The following FRMD5 variants were observed in gnomAD, a reference collection of about 807,000 sequenced individuals.
The protein encoded by FRMD5 is FERM domain containing 5, also known as FERM domain-containing protein 5.
Under a neutral mutation model 69.0 loss-of-function variants are expected in FRMD5, and 20 were observed. The observed-to-expected ratio is 0.29, with a 90% confidence interval of 0.20 to 0.42. The LOEUF is 0.42. FRMD5 is among the 10% of genes least tolerant of loss of function. The probability of loss-of-function intolerance (pLI) is 1.00; values close to 1 mark genes in which losing one functional copy is unlikely to be tolerated. For missense variants in FRMD5, 595 were observed against 708.6 expected, an observed-to-expected ratio of 0.84 and a Z score of 1.82; for synonymous variants, 271 against 260.1, an observed-to-expected ratio of 1.04 and a Z score of -0.40.
intron 1 of FRMD5, among the ~76,000 whole-genome samples, chr15:44,114,654 G>T (rs553024886): frequency 6.6e-6 from 1 of 152,158 alleles, no homozygotes; most frequent in African/African-American, 2.4e-5. Context: ...CAATGTGAAA[G>T]AATATGTTTA....
At chr15:43,929,595 G>C in intron 1 of FRMD5, among the ~76,000 whole-genome samples, 1 of 152,134 alleles carries the variant, frequency 6.6e-6, no homozygotes, top group East Asian at 1.9e-4. Context: ...CCTTAGAGAA[G>C]GCAGAGGTAA....
At chr15:44,028,847 T>C (rs942991521) in intron 1 of FRMD5, among the ~76,000 whole-genome samples, 3 of 152,202 alleles carry the variant, frequency 2.0e-5, no homozygotes, top group Non-Finnish European at 2.9e-5. Flanking sequence ...CAAGGGACTG[T>C]CTGAATTACT....
At chr15:44,173,858 T>C (rs2077847590) in intron 1 of FRMD5, among the ~76,000 whole-genome samples, 1 of 152,188 alleles carries the variant, frequency 6.6e-6, no homozygotes, top group South Asian at 2.1e-4. Context: ...AGTTCAAAGA[T>C]GATTATTAGT....
At chr15:44,195,997 A>C (rs1053073718), upstream of FRMD5, among the ~76,000 whole-genome samples, 1 of 152,206 alleles carries the variant, frequency 6.6e-6, no homozygotes, top group African/African-American at 2.4e-5. Context: ...ACTGGAAATT[A>C]TGTCTTCAGA....
At chr15:44,070,671 A>G (rs78197518) in intron 1 of FRMD5, among the ~76,000 whole-genome samples, 4,517 of 152,290 alleles carry the variant, frequency 0.03, 194 homozygotes, top group African/African-American at 0.093. Flanking sequence ...GCTATTATTA[A>G]TAATCAAAAG....
intron 1 of FRMD5, among the ~76,000 whole-genome samples, chr15:44,056,900 G>C (rs552206033): frequency 6.6e-6 from 1 of 152,210 alleles, no homozygotes; most frequent in South Asian, 2.1e-4. Context: ...AATCTTCCCT[G>C]TTGACTACAA....
chr15:43,960,256 T>C (rs950580463), intron 1 of FRMD5, among the ~76,000 whole-genome samples: 2 of 151,446 alleles, frequency 1.3e-5, no homozygotes, highest in African/African-American at 4.9e-5. Flanking sequence ...ACCCGGCTAA[T>C]TTATTTTTTG....
intron 1 of FRMD5, among the ~76,000 whole-genome samples, chr15:44,075,274 A>C (rs1419535725): frequency 2.0e-5 from 3 of 152,194 alleles, no homozygotes; most frequent in Admixed American, 2.0e-4. Flanking sequence ...TGGATGGGAA[A>C]TGAGGTCTTA....
chr15:44,103,418 T>C (rs1364935999), intron 1 of FRMD5, among the ~76,000 whole-genome samples: 1 of 152,176 alleles, frequency 6.6e-6, no homozygotes, highest in Non-Finnish European at 1.5e-5. Context: ...ACTGGTAAAA[T>C]GTAGTCTTTG....
chr15:44,047,065 A>C (rs1329123763), intron 1 of FRMD5, among the ~76,000 whole-genome samples: 1 of 152,142 alleles, frequency 6.6e-6, no homozygotes, highest in Non-Finnish European at 1.5e-5. Flanking sequence ...CTAGCACTTC[A>C]GGAGGCTGAG....
At chr15:44,071,086 A>C (rs958282027) in intron 1 of FRMD5, among the ~76,000 whole-genome samples, 7 of 152,150 alleles carry the variant, frequency 4.6e-5, no homozygotes, top group African/African-American at 1.7e-4. Context: ...CTTGAAAGTC[A>C]GGATTTCAGA....
At chr15:44,125,947 G>A (rs2077019327) in intron 1 of FRMD5, among the ~76,000 whole-genome samples, 2 of 152,154 alleles carry the variant, frequency 1.3e-5, no homozygotes, top group Non-Finnish European at 2.9e-5. Flanking sequence ...GCAATAAAAA[G>A]CTTTTGAAAA....
At chr15:44,054,606 T>C (rs1486328743) in intron 1 of FRMD5, among the ~76,000 whole-genome samples, 1 of 152,180 alleles carries the variant, frequency 6.6e-6, no homozygotes, top group African/African-American at 2.4e-5. Flanking sequence ...TTCTATAGAA[T>C]TATAGCTAAT....
At chr15:44,049,643 T>C (rs995535470) in intron 1 of FRMD5, among the ~76,000 whole-genome samples, 10 of 152,234 alleles carry the variant, frequency 6.6e-5, no homozygotes, top group Admixed American at 4.6e-4. Flanking sequence ...TAGGTAGAAC[T>C]AGAATATCTT....
At chr15:43,991,523 G>T (rs973957392) in intron 1 of FRMD5, among the ~76,000 whole-genome samples, 1 of 152,124 alleles carries the variant, frequency 6.6e-6, no homozygotes, top group Non-Finnish European at 1.5e-5. Context: ...TTTGAAATAT[G>T]GATATTCATT....
intron 1 of FRMD5, chr15:43,989,139 G>A: frequency 2.0e-6 from 2 of 979,652 alleles, no homozygotes; most frequent in Non-Finnish European, 3.3e-6. Context: ...GCTGGACGGT[G>A]GACAGCCAGG....
chr15:44,154,119 G>A (rs974857920), intron 1 of FRMD5, among the ~76,000 whole-genome samples: 1 of 152,060 alleles, frequency 6.6e-6, no homozygotes, highest in African/African-American at 2.4e-5. Flanking sequence ...CCCAGGAGTT[G>A]GAGTCCAGCC....
At chr15:43,978,385 G>T (rs1309095702) in intron 1 of FRMD5, among the ~76,000 whole-genome samples, 2 of 152,174 alleles carry the variant, frequency 1.3e-5, no homozygotes, top group African/African-American at 4.8e-5. Context: ...TACATTGCTG[G>T]TGAGAATGTA....
chr15:44,024,452 C>T (rs1891346462), intron 1 of FRMD5, among the ~76,000 whole-genome samples: 1 of 152,116 alleles, frequency 6.6e-6, no homozygotes, highest in Non-Finnish European at 1.5e-5. Context: ...TCTCATTTAG[C>T]AAAACTACAT....
Sources: gnomAD v4.1 joint callset for allele counts (sites outside exome capture counted in the v4.1 genomes callset) on GRCh38, gnomAD v4.1.1 for gene constraint, MANE v1.5 for transcripts, NCBI Gene and HGNC (gene_info 2026-07-23, HGNC 2026-07-21) for gene names.